Variants in UBE2R2 observed in about 807,000 individuals in gnomAD.
The protein encoded by UBE2R2 is ubiquitin conjugating enzyme E2 R2, also known as ubiquitin-conjugating enzyme E2 R2.
A neutral mutation model predicts 27.8 loss-of-function variants in UBE2R2; 1 was observed. The observed-to-expected ratio is 0.04, with a 90% confidence interval of 0.01 to 0.17. The LOEUF is 0.17. Among genes scored for constraint, UBE2R2 ranks in the 10% least tolerant of loss-of-function variants. The pLI, the probability that UBE2R2 is intolerant of heterozygous loss-of-function variation, is 1.00. For missense variants in UBE2R2, 100 were observed against 291.0 expected, an observed-to-expected ratio of 0.34 and a Z score of 4.78; for synonymous variants, 106 against 113.3, an observed-to-expected ratio of 0.94 and a Z score of 0.41.
At chr9:33,843,464 A>G (rs1820774306) in intron 1 of UBE2R2, among the ~76,000 whole-genome samples, 1 of 151,656 alleles carries the variant, frequency 6.6e-6, no homozygotes, top group African/African-American at 2.4e-5. Context: ...TGGAGGTTTT[A>G]CTTCTTGTTT....
intron 1 of UBE2R2, among the ~76,000 whole-genome samples, chr9:33,855,826 C>G: frequency 6.6e-6 from 1 of 152,150 alleles, no homozygotes; most frequent in Admixed American, 6.5e-5. Context: ...GCCTGTAATC[C>G]CAGCACTTTG....
intron 1 of UBE2R2, among the ~76,000 whole-genome samples, chr9:33,849,690 TAAA>T (rs71506141): frequency 8.6e-5 from 12 of 139,406 alleles, no homozygotes; most frequent in East Asian, 2.1e-4. Flanking sequence ...CATCTCTACT[TAAA>T]AAAAAAAAAA....
At chr9:33,912,858 C>T (rs879431963) in intron 4 of UBE2R2, among the ~76,000 whole-genome samples, 1 of 152,152 alleles carries the variant, frequency 6.6e-6, no homozygotes, top group Non-Finnish European at 1.5e-5. Flanking sequence ...AACCTTTAAT[C>T]TCTTAGGACA....
rs1234957748 is a variant in UBE2R2 at position 33,875,249 on chromosome 9, T to C, written c.178-11632T>C. Among the ~76,000 whole-genome samples the C allele has an allele frequency of 2.0e-5, 3 of 152,346 alleles. No individual in the cohort carries two copies. The East Asian group carries it at 5.8e-4, about 29-fold the overall frequency. ...TCATAATTCCTTAATATCCAGTCAATGTTTACATTTCCCTTGTTCTCATAA... is the reference window on the plus strand; with the variant it reads ...TCATAATTCCTTAATATCCAGTCAACGTTTACATTTCCCTTGTTCTCATAA... On this transcript the variant is annotated intron_variant, in intron 1 of 4. Coordinates refer to ENST00000263228, the MANE Select transcript of UBE2R2 (RefSeq NM_017811.4).
chr9:33,846,703 C>T (rs138876096), intron 1 of UBE2R2, among the ~76,000 whole-genome samples: 1 of 152,292 alleles, frequency 6.6e-6, no homozygotes, highest in East Asian at 1.9e-4. Context: ...CTGCTAAACT[C>T]TGCCATTGTA....
Position 33,920,060 on chromosome 9 carries a change from T to TG in UBE2R2, c.*2827dup, listed in dbSNP as rs993345746. On this transcript the variant is annotated 3_prime_UTR_variant, in exon 5 of 5. Coordinates refer to ENST00000263228, the MANE Select transcript of UBE2R2 (RefSeq NM_017811.4). ...CTTTACTTGCTGGTTTCCTTACGTT[T>TG]GGGGCACATGTTGTAAGAAACTGAT... 2.3e-4 allele frequency: 35 copies of TG among 152,682 alleles called. No individual in the cohort carries two copies. The highest frequency in any genetic ancestry group is 8.4e-4 in the African/African-American group (35 of 41,584). The allele number at this position is 152,682 out of a possible 1,614,324, so 9.5% of individuals were successfully genotyped here.
intron 1 of UBE2R2, among the ~76,000 whole-genome samples, chr9:33,870,772 T>C (rs963531174): frequency 4.6e-5 from 7 of 152,216 alleles, no homozygotes; most frequent in Non-Finnish European, 1.0e-4. Context: ...TACAGTTAGC[T>C]CAATGGCTGA....
At chr9:33,864,721 A>ATTT (rs532796406) in intron 1 of UBE2R2, among the ~76,000 whole-genome samples, 2 of 132,182 alleles carry the variant, frequency 1.5e-5, no homozygotes, top group African/African-American at 2.8e-5. Flanking sequence ...CTAACTTTTA[A>ATTT]TTTTTTTTTT....
At chr9:33,853,516 C>T (rs894516601) in intron 1 of UBE2R2, among the ~76,000 whole-genome samples, 10 of 152,026 alleles carry the variant, frequency 6.6e-5, no homozygotes, top group Non-Finnish European at 1.2e-4. Context: ...AACTCCCAGC[C>T]TCAGGTGATC....
intron 1 of UBE2R2, among the ~76,000 whole-genome samples, chr9:33,875,960 G>A (rs2477517): frequency 0.41 from 61,701 of 152,040 alleles, 12,864 homozygotes; most frequent in African/African-American, 0.48. Context: ...TTCAAAAAGG[G>A]AAGAAATTTC....
At chr9:33,838,267 T>C (rs1386902397) in intron 1 of UBE2R2, among the ~76,000 whole-genome samples, 1 of 112,824 alleles carries the variant, frequency 8.9e-6, no homozygotes, top group African/African-American at 3.3e-5. Context: ...TTTTTACTGT[T>C]TTTTTTTTCT....
intron 1 of UBE2R2, among the ~76,000 whole-genome samples, chr9:33,848,545 C>T (rs1169939245): frequency 6.6e-6 from 1 of 151,980 alleles, no homozygotes; most frequent in Non-Finnish European, 1.5e-5. Context: ...ACCTCAGTTT[C>T]AAAAGACTAC....
chr9:33,860,372 C>G (rs1941385468), intron 1 of UBE2R2, among the ~76,000 whole-genome samples: 2 of 152,124 alleles, frequency 1.3e-5, no homozygotes, highest in South Asian at 4.1e-4. Flanking sequence ...GGAAGAGACT[C>G]CAGCATCCTG....
At chr9:33,893,541 A>T (rs1822033214) in intron 2 of UBE2R2, among the ~76,000 whole-genome samples, 1 of 152,182 alleles carries the variant, frequency 6.6e-6, no homozygotes, top group Admixed American at 6.5e-5. Flanking sequence ...ATGTGCATGT[A>T]GTTTTTGAGT....
chr9:33,884,198 A>ATCTCCCTC (rs1821798364), intron 1 of UBE2R2, among the ~76,000 whole-genome samples: 1 of 63,442 alleles, frequency 1.6e-5, no homozygotes, highest in Non-Finnish European at 3.0e-5. Flanking sequence ...CAACTTAAGA[A>ATCTCCCTC]TCTCTCTCTC....
intron 1 of UBE2R2, among the ~76,000 whole-genome samples, chr9:33,825,721 G>A (rs1003230044): frequency 4.6e-5 from 7 of 152,158 alleles, no homozygotes; most frequent in Non-Finnish European, 7.3e-5. Context: ...TGAGGAAAAG[G>A]TATAAATTCA....
In UBE2R2 at chr9:33,817,721, G is replaced by A. The variant is rs1009390154; in HGVS notation, c.-37G>A. 9 of 1,473,346 alleles carry A rather than the reference G, an allele frequency of 6.1e-6. No homozygotes were observed. Among genetic ancestry groups the A allele is most frequent in the African/African-American group, 4.5e-5 (3 of 67,042 alleles). 91.3% of individuals were successfully genotyped at this position (1,473,346 alleles called of 1,614,324 possible). The stretch of plus-strand genomic sequence containing the variant: ...GCCCGGCCGGTGCGTGAGGACTGGG[G>A]CCCGGGCCCGGCGCCGCCGCCGCCG... On this transcript the variant is annotated 5_prime_UTR_variant, in exon 1 of 5. Coordinates refer to ENST00000263228, the MANE Select transcript of UBE2R2 (RefSeq NM_017811.4).
intron 1 of UBE2R2, among the ~76,000 whole-genome samples, chr9:33,823,283 C>T (rs1820198496): frequency 6.6e-6 from 1 of 151,860 alleles, no homozygotes. Flanking sequence ...AGTAATCCTC[C>T]CGCCTCAGCC....
At chr9:33,902,506 A>T (rs1822265564) in intron 3 of UBE2R2, among the ~76,000 whole-genome samples, 1 of 152,192 alleles carries the variant, frequency 6.6e-6, no homozygotes, top group Admixed American at 6.5e-5. Context: ...GTCTAATGTG[A>T]AGCAGTCATT....
Sources: gnomAD v4.1 joint callset for allele counts (sites outside exome capture counted in the v4.1 genomes callset) on GRCh38, gnomAD v4.1.1 for gene constraint, MANE v1.5 for transcripts, NCBI Gene and HGNC (gene_info 2026-07-23, HGNC 2026-07-21) for gene names.